The following CDH23 variants were observed in gnomAD, a reference collection of about 807,000 sequenced individuals.
CDH23 encodes the protein cadherin-23.
CDH23 carries 189 observed loss-of-function variants against 317.1 expected under a neutral mutation model. That is an observed-to-expected ratio of 0.60 (90% CI 0.53 to 0.67). CDH23 has a LOEUF of 0.67. Ranked by LOEUF, CDH23 falls within the 30% of genes least tolerant of loss-of-function variation. The probability of loss-of-function intolerance (pLI) is 0.00; values close to 1 mark genes in which losing one functional copy is unlikely to be tolerated. For missense variants in CDH23, 4,401 were observed against 4,592.4 expected (o/e 0.96, Z 1.20); for synonymous variants, 1,839 against 1,876.8 (o/e 0.98, Z 0.52).
At position 71,565,571 on chromosome 10, in the gene CDH23, G is replaced by T. The variant is rs138515205; in HGVS notation, c.430-1171G>T. Among the ~76,000 whole-genome samples the T allele has an allele frequency of 2.6e-5, 4 of 152,242 alleles. No homozygotes were observed. The East Asian group carries it at 7.7e-4, about 29-fold the overall frequency. ...GGGTAGACAGGGAATGCCCTGGATG[G>T]TACTGTTAATATCAGTGCTTCTTGA... On this transcript the variant is annotated intron_variant, in intron 6 of 69. Transcript: ENST00000224721.
chr10:71,404,119 C>T (rs1044544564), intron 1 of CDH23, among the ~76,000 whole-genome samples: 4 of 152,092 alleles, frequency 2.6e-5, no homozygotes, highest in Admixed American at 2.0e-4. Flanking sequence ...AATAAATTCA[C>T]GGAAGAATAC....
chr10:71,506,245 G>T (rs1418845775), intron 3 of CDH23, among the ~76,000 whole-genome samples: 3 of 152,186 alleles, frequency 2.0e-5, no homozygotes, highest in Non-Finnish European at 4.4e-5. Context: ...GATTCATGGG[G>T]AGTGACTGGT....
intron 15 of CDH23, 54 bp downstream of exon 15, chr10:71,675,230 C>T (rs1449119216): frequency 1.3e-6 from 2 of 1,484,760 alleles, no homozygotes; most frequent in Non-Finnish European, 1.9e-6. Flanking sequence ...CTTGGCCCTC[C>T]CCAGACTCAT....
Position 71,718,192 on chromosome 10 carries a change from C to T in CDH23, c.3369+5379C>T, listed in dbSNP as rs6480548. On this transcript the variant is annotated intron_variant, in intron 28 of 69. Coordinates refer to ENST00000224721, the MANE Select transcript of CDH23 (RefSeq NM_022124.6). The stretch of plus-strand genomic sequence containing the variant: ...CAGGAGGAGGAAAGATGTCAGGTCA[C>T]GCTCAGAGAAACCCTGCCACAGGTA... Among the ~76,000 whole-genome samples, 3 of 152,108 alleles carry T rather than the reference C, an allele frequency of 2.0e-5. No individual in the cohort carries two copies. The South Asian group carries it at 6.2e-4, about 31-fold the overall frequency.
intron 3 of CDH23, among the ~76,000 whole-genome samples, chr10:71,508,909 G>T (rs1277496260): frequency 6.6e-6 from 1 of 152,210 alleles, no homozygotes; most frequent in Non-Finnish European, 1.5e-5. Flanking sequence ...GGGGCTTCCT[G>T]GTTTTAGCAC....
chr10:71,681,265 G>T (rs1195641846), intron 17 of CDH23, among the ~76,000 whole-genome samples: 1 of 152,100 alleles, frequency 6.6e-6, no homozygotes, highest in Non-Finnish European at 1.5e-5. Context: ...ATAGAAAGTT[G>T]TAATTTAATA....
chr10:71,639,968 C>A (rs1862460015), intron 11 of CDH23, among the ~76,000 whole-genome samples: 1 of 152,134 alleles, frequency 6.6e-6, no homozygotes, highest in Non-Finnish European at 1.5e-5. Context: ...AGTAGGTGAT[C>A]CTGAGGGTCT....
rs1318519991 is a variant in CDH23 at position 71,803,193 on chromosome 10, C to T, written c.7661-16C>T. 11 of 1,609,088 alleles carry T rather than the reference C, an allele frequency of 6.8e-6. No individual in the cohort carries two copies. The highest frequency in any genetic ancestry group is 8.5e-6 in the Non-Finnish European group (10 of 1,177,324). The stretch of plus-strand genomic sequence containing the variant: ...GGATGTCTCAACCAGAGCTACTCTC[C>T]TGCTCCCACTGCCAGAGGCCTTCCA... On this transcript the variant is annotated splice_polypyrimidine_tract_variant and intron_variant, in intron 54 of 69. Transcript: ENST00000224721.
At chr10:71,528,738 C>T (rs1486635406) in intron 6 of CDH23, among the ~76,000 whole-genome samples, 1 of 152,218 alleles carries the variant, frequency 6.6e-6, no homozygotes, top group Non-Finnish European at 1.5e-5. Flanking sequence ...CCCTGTTCCC[C>T]ACCCTGGGGG....
chr10:71,599,725 G>T (rs773927763), intron 9 of CDH23, among the ~76,000 whole-genome samples: 2 of 152,196 alleles, frequency 1.3e-5, no homozygotes, highest in Non-Finnish European at 2.9e-5. Context: ...CTGTGGCCTG[G>T]ACAGGAGTCC....
At chr10:71,550,579 A>AAAAAAAAAAAAAAAAAAAAAAG (rs1564647432) in intron 6 of CDH23, among the ~76,000 whole-genome samples, 2 of 121,204 alleles carry the variant, frequency 1.7e-5, no homozygotes, top group African/African-American at 3.1e-5. Flanking sequence ...AAAAAAAAAG[A>AAAAAAAAAAAAAAAAAAAAAAG]AAAAAGAAAA....
chr10:71,658,757 G>C (rs2132626392), intron 14 of CDH23, among the ~76,000 whole-genome samples: 1 of 152,268 alleles, frequency 6.6e-6, no homozygotes, highest in African/African-American at 2.4e-5. Context: ...GCCATGCCGG[G>C]ATTCAGACCC....
At chr10:71,548,379 C>T (rs749966595) in intron 6 of CDH23, among the ~76,000 whole-genome samples, 2 of 152,088 alleles carry the variant, frequency 1.3e-5, no homozygotes, top group African/African-American at 4.8e-5. Flanking sequence ...AGGAGGGGTG[C>T]ACAGAGCCTG....
chr10:71,508,506 C>T (rs1853769610), intron 3 of CDH23, among the ~76,000 whole-genome samples: 2 of 152,174 alleles, frequency 1.3e-5, no homozygotes, highest in African/African-American at 4.8e-5. Flanking sequence ...GGAAATAGCT[C>T]AGCTTATGCC....
intron 41 of CDH23, among the ~76,000 whole-genome samples, chr10:71,783,303 C>T (rs1194330580): frequency 6.6e-6 from 1 of 152,204 alleles, no homozygotes; most frequent in Admixed American, 6.5e-5. Flanking sequence ...TTTCCTTCCC[C>T]CTGTCTCTTC....
chr10:71,553,817 C>T (rs1423256032), intron 6 of CDH23, among the ~76,000 whole-genome samples: 2 of 152,224 alleles, frequency 1.3e-5, no homozygotes, highest in Non-Finnish European at 2.9e-5. Context: ...GTACAAAGAG[C>T]TCAGGGCAGT....
At chr10:71,768,426 C>T (rs1479293501) in intron 38 of CDH23, among the ~76,000 whole-genome samples, 4 of 152,180 alleles carry the variant, frequency 2.6e-5, no homozygotes, top group Non-Finnish European at 5.9e-5. Flanking sequence ...CCGCCTCGTC[C>T]TCCCCAAGTG....
chr10:71,778,149 A>C (rs1589416212), intron 39 of CDH23, 40 bp from the exon 40 acceptor site: 1 of 1,611,564 alleles, frequency 6.2e-7, no homozygotes, highest in Non-Finnish European at 8.5e-7. Context: ...CAGACCTACC[A>C]CCCCTAGATC....
intron 38 of CDH23, among the ~76,000 whole-genome samples, chr10:71,776,622 C>A (rs1241071684): frequency 6.6e-6 from 1 of 152,152 alleles, no homozygotes; most frequent in Non-Finnish European, 1.5e-5. Context: ...TAGCACCAAC[C>A]ACAGGAAGCC....
Sources: allele counts gnomAD v4.1 joint callset (sites outside exome capture counted in the v4.1 genomes callset), GRCh38; gene constraint gnomAD v4.1.1; transcripts MANE v1.5; gene names NCBI Gene and HGNC (gene_info 2026-07-23, HGNC 2026-07-21).